Variants in GRIN3A observed in about 807,000 individuals in gnomAD.
The protein encoded by GRIN3A is glutamate receptor ionotropic, NMDA 3A.
GRIN3A carries 47 observed loss-of-function variants against 92.4 expected under a neutral mutation model. That is an observed-to-expected ratio of 0.51 (90% CI 0.40 to 0.65). The LOEUF (loss-of-function observed/expected upper bound fraction) is 0.65. GRIN3A is among the 30% of genes least tolerant of loss of function. The pLI is 0.00. For missense variants in GRIN3A, 1,324 were observed against 1,393.1 expected (o/e 0.95, Z 0.79); for synonymous variants, 527 against 540.6 (o/e 0.97, Z 0.35).
intron 4 of GRIN3A, among the ~76,000 whole-genome samples, chr9:101,627,264 AT>A (rs1828646015): frequency 6.6e-6 from 1 of 152,202 alleles, no homozygotes; most frequent in African/African-American, 2.4e-5. Context: ...ATCATGTATA[AT>A]TTTGCAAATA....
Position 101,623,341 on chromosome 9 carries a change from A to C in GRIN3A, c.2591T>G (p.Val864Gly), listed in dbSNP as rs754012990. The C allele has an allele frequency of 6.2e-7, 1 of 1,612,480 alleles. No homozygotes were observed. The highest frequency in any genetic ancestry group is 1.7e-5 in the Admixed American group (1 of 60,016). Reference protein sequence around the residue: ...SIDADCKLLTVGKPFAIEGYG... With the variant: ...SIDADCKLLTGGKPFAIEGYG... ...ACCTTCTATGGCAAATGGCTTCCCC[A>C]CAGTGAGAAGTTTGCAGTCAGCATC... Residue 864 changes from valine (V) to glycine (G), a missense_variant, in exon 5 of 9, where the codon GTG (valine) becomes GGG (glycine). Val to Gly is a moderately radical substitution (Grantham distance 109). Coordinates refer to ENST00000361820, the MANE Select transcript of GRIN3A (RefSeq NM_133445.3).
In GRIN3A at chr9:101,738,202, G is replaced by A; in HGVS notation, c.-223C>T. On this transcript the variant is annotated 5_prime_UTR_variant, in exon 1 of 9. Transcript: ENST00000361820. ...CAGGTCCCTCCGCCTGGCATCCTCT[G>A]CCCGCCCGGTCACTGCGCTGAGCAG... is the stretch of plus-strand genomic sequence containing the variant. 1 of 609,428 alleles carries A rather than the reference G, an allele frequency of 1.6e-6. No individual in the cohort carries two copies. The allele number at this position is 609,428 out of a possible 1,614,324, so 37.8% of individuals were successfully genotyped here.
At chr9:101,674,916 T>C (rs1829374217) in intron 2 of GRIN3A, among the ~76,000 whole-genome samples, 1 of 151,998 alleles carries the variant, frequency 6.6e-6, no homozygotes, top group Non-Finnish European at 1.5e-5. Context: ...CATGTACCTG[T>C]TTTATGACAT....
At chr9:101,733,695 G>A (rs1175647790) in intron 1 of GRIN3A, among the ~76,000 whole-genome samples, 2 of 152,166 alleles carry the variant, frequency 1.3e-5, no homozygotes, top group South Asian at 2.1e-4. Context: ...ATAGGCTTCA[G>A]TGCTTAGTCC....
chr9:101,658,760 G>GTCTATCTATCTATCTATCTATCTATCTA lies in GRIN3A; in HGVS notation c.2352+11299_2352+11300insTAGATAGATAGATAGATAGATAGATAGA, dbSNP rs60257626. Among the ~76,000 whole-genome samples the GTCTATCTATCTATCTATCTATCTATCTA allele has an allele frequency of 1.4e-3, 215 of 151,456 alleles. 1 individual carries two copies. Among genetic ancestry groups the GTCTATCTATCTATCTATCTATCTATCTA allele is most frequent in the Middle Eastern group, 0.01 (3 of 294 alleles). On this transcript the variant is annotated intron_variant, in intron 3 of 8. Transcript: ENST00000361820. ...TATTTGTCTATCTATCTGTCTATCT[G>GTCTATCTATCTATCTATCTATCTATCTA]TCTATCTATCTATCTATCTATGTAT...
At chr9:101,682,640 C>A (rs1829472455) in intron 2 of GRIN3A, among the ~76,000 whole-genome samples, 2 of 152,232 alleles carry the variant, frequency 1.3e-5, no homozygotes, top group African/African-American at 4.8e-5. Flanking sequence ...TAAAGGTATT[C>A]TCAAAATAAT....
intron 6 of GRIN3A, among the ~76,000 whole-genome samples, chr9:101,608,395 C>G (rs1367979057): frequency 6.6e-6 from 1 of 152,162 alleles, no homozygotes; most frequent in Admixed American, 6.5e-5. Flanking sequence ...AACTGCCGTT[C>G]CCCTGAATTT....
chr9:101,625,310 A>T (rs1032031038), intron 4 of GRIN3A, among the ~76,000 whole-genome samples: 1 of 152,188 alleles, frequency 6.6e-6, no homozygotes, highest in Non-Finnish European at 1.5e-5. Flanking sequence ...CCTCTCTTAG[A>T]TCCAGTGGTG....
chr9:101,585,509 T>A (rs373148205), intron 6 of GRIN3A, among the ~76,000 whole-genome samples: 1 of 152,234 alleles, frequency 6.6e-6, no homozygotes, highest in Non-Finnish European at 1.5e-5. Flanking sequence ...CTCCTAATTT[T>A]CCCTCTGAAA....
intron 3 of GRIN3A, among the ~76,000 whole-genome samples, chr9:101,658,752 G>GTCTATCTATCTATCTATCTA (rs1246362172): frequency 2.9e-5 from 4 of 139,120 alleles, no homozygotes; most frequent in Admixed American, 7.1e-5. Flanking sequence ...CTATCTATCT[G>GTCTATCTATCTATCTATCTA]TCTATCTGTC....
intron 2 of GRIN3A, among the ~76,000 whole-genome samples, chr9:101,677,501 A>G (rs573161727): frequency 6.6e-6 from 1 of 151,892 alleles, no homozygotes; most frequent in South Asian, 2.1e-4. Flanking sequence ...ATCGTTAGTT[A>G]ATTTACTATT....
chr9:101,732,095 TAAAA>T (rs1223704745), intron 1 of GRIN3A, among the ~76,000 whole-genome samples: 2 of 152,182 alleles, frequency 1.3e-5, no homozygotes, highest in Non-Finnish European at 2.9e-5. Context: ...CTGTTGCCAC[TAAAA>T]TGAGCAATAC....
chr9:101,577,897 G>C, intron 7 of GRIN3A, 53 bp from the exon 8 acceptor site: 1 of 1,339,158 alleles, frequency 7.5e-7, no homozygotes. Context: ...ACATAGGTCA[G>C]GGAACAAAGA....
intron 8 of GRIN3A, among the ~76,000 whole-genome samples, chr9:101,573,951 C>T (rs557956404): frequency 3.3e-5 from 5 of 152,170 alleles, no homozygotes; most frequent in African/African-American, 1.2e-4. Flanking sequence ...AACCTGCTGA[C>T]AGATCTCATA....
chr9:101,639,850 A>G (rs1328525900), intron 3 of GRIN3A, among the ~76,000 whole-genome samples: 1 of 152,220 alleles, frequency 6.6e-6, no homozygotes, highest in Non-Finnish European at 1.5e-5. Flanking sequence ...GGCTCCTAAA[A>G]GCAAATCATC....
intron 1 of GRIN3A, among the ~76,000 whole-genome samples, chr9:101,714,815 A>G (rs1018923051): frequency 2.0e-5 from 3 of 152,214 alleles, no homozygotes; most frequent in African/African-American, 4.8e-5. Flanking sequence ...GTCTGACAAA[A>G]TGTTTTAATT....
At chr9:101,669,970 A>T in intron 3 of GRIN3A, 90 bp downstream of exon 3, 1 of 994,130 alleles carries the variant, frequency 1.0e-6, no homozygotes, top group Non-Finnish European at 1.6e-6. Context: ...CCTGTGTTAG[A>T]TGGAAGAACA....
At chr9:101,576,664 G>A (rs1285355768) in intron 8 of GRIN3A, among the ~76,000 whole-genome samples, 2 of 152,078 alleles carry the variant, frequency 1.3e-5, no homozygotes, top group African/African-American at 2.4e-5. Flanking sequence ...AAAAATAGAT[G>A]TAACATGTCA....
intron 2 of GRIN3A, among the ~76,000 whole-genome samples, chr9:101,675,432 TTAAAG>T (rs1588277776): frequency 6.6e-6 from 1 of 151,938 alleles, no homozygotes; most frequent in African/African-American, 2.4e-5. Context: ...GACATCCTAA[TTAAAG>T]TATTTTCTTA....
Sources: gnomAD v4.1 joint callset for allele counts (sites outside exome capture counted in the v4.1 genomes callset) on GRCh38, gnomAD v4.1.1 for gene constraint, MANE v1.5 for transcripts, NCBI Gene and HGNC (gene_info 2026-07-23, HGNC 2026-07-21) for gene names.